Variants in MICU3 observed in about 807,000 individuals in gnomAD.
MICU3 encodes the protein calcium uptake protein 3, mitochondrial.
Under a neutral mutation model 66.5 loss-of-function variants are expected in MICU3, and 62 were observed. The observed-to-expected ratio is 0.93, with a 90% CI of 0.76 to 1.15. The LOEUF (loss-of-function observed/expected upper bound fraction) is 1.15. Ranked by LOEUF, MICU3 falls within the 50% of genes most tolerant of loss-of-function variation. MICU3 has a pLI of 0.00. For synonymous variants in MICU3, 308 were observed against 240.7 expected, an observed-to-expected ratio of 1.28 and a Z score of -2.59; for missense variants, 779 against 664.4, an observed-to-expected ratio of 1.17 and a Z score of -1.90.
intron 1 of MICU3, among the ~76,000 whole-genome samples, chr8:17,032,002 C>T (rs1225141673): frequency 6.6e-6 from 1 of 152,186 alleles, no homozygotes; most frequent in Non-Finnish European, 1.5e-5. Context: ...TTTATGTCTT[C>T]ATTGCCTGTT....
intron 1 of MICU3, among the ~76,000 whole-genome samples, chr8:17,053,453 G>GTAC (rs1359808572): frequency 6.6e-6 from 1 of 152,180 alleles, no homozygotes; most frequent in African/African-American, 2.4e-5. Flanking sequence ...GGATAATGAT[G>GTAC]TACTCTGTTG....
chr8:17,042,984 A>G (rs1248362912), intron 1 of MICU3, among the ~76,000 whole-genome samples: 1 of 126,558 alleles, frequency 7.9e-6, no homozygotes, highest in Non-Finnish European at 1.6e-5. Flanking sequence ...CTTTCGCCCA[A>G]GCTGGACTGC....
intron 1 of MICU3, among the ~76,000 whole-genome samples, chr8:17,056,605 T>G (rs996627982): frequency 2.0e-5 from 3 of 151,994 alleles, no homozygotes; most frequent in Non-Finnish European, 4.4e-5. Context: ...AGGAAAGGAG[T>G]ACAAGTGATG....
rs1174206936 is a variant in MICU3, at chr8:17,120,656, C to T, written c.*369C>T. On this transcript the variant is annotated 3_prime_UTR_variant, in exon 15 of 15. Coordinates refer to ENST00000318063, the MANE Select transcript of MICU3 (RefSeq NM_181723.3). The stretch of plus-strand genomic sequence containing the variant: ...TTCCTCATTTCAAAATAATTTATGA[C>T]TCATGGAATGTTGATCGCCTAAAAA... The T allele has an allele frequency of 6.6e-6, 1 of 152,328 alleles. No homozygotes were observed. The highest frequency in any genetic ancestry group is 1.5e-5 in the Non-Finnish European group (1 of 67,906). 9.4% of individuals were successfully genotyped at this position (152,328 alleles called of 1,614,324 possible).
chr8:17,063,607 A>C (rs1463291050), intron 1 of MICU3, among the ~76,000 whole-genome samples: 2 of 152,074 alleles, frequency 1.3e-5, no homozygotes, highest in Non-Finnish European at 2.9e-5. Flanking sequence ...TATTACCACT[A>C]ATGGTTTCCT....
chr8:17,086,410 C>G (rs1357503797), intron 6 of MICU3, among the ~76,000 whole-genome samples: 1 of 152,088 alleles, frequency 6.6e-6, no homozygotes, highest in Admixed American at 6.6e-5. Flanking sequence ...AGCCCTTGCC[C>G]ACGTGTAGTC....
At chr8:17,136,808 C>G in the MICU3 span, among the ~76,000 whole-genome samples, 2 of 151,444 alleles carry the variant, frequency 1.3e-5, no homozygotes, top group African/African-American at 4.8e-5. Flanking sequence ...CTGTAGCCAA[C>G]TGGGGACCAC....
At position 17,094,648 on chromosome 8, in the gene MICU3, A is replaced by T. The variant is rs1800471713; in HGVS notation, c.889-3810A>T. Among the ~76,000 whole-genome samples, 8 of 151,984 alleles carry T rather than the reference A, an allele frequency of 5.3e-5. No homozygotes were observed. The South Asian group carries it at 1.7e-3, about 31-fold the overall frequency. ...CAGGCTCTCGCTTGGTTCATTTTAA[A>T]AAAAAAATGTCTACCAGGTACTGAA... On this transcript the variant is annotated intron_variant, in intron 8 of 14. Transcript: ENST00000318063.
the MICU3 span, among the ~76,000 whole-genome samples, chr8:17,135,842 G>A: frequency 3.3e-5 from 5 of 151,912 alleles, no homozygotes; most frequent in Non-Finnish European, 5.9e-5. Flanking sequence ...CTGATAAATC[G>A]GTTATATCAT....
intron 3 of MICU3, among the ~76,000 whole-genome samples, chr8:17,076,954 G>T (rs1820474419): frequency 6.6e-6 from 1 of 152,140 alleles, no homozygotes; most frequent in Non-Finnish European, 1.5e-5. Flanking sequence ...ATTATTTCAA[G>T]TTATCTCACC....
chr8:17,064,436 G>A (rs556171886), intron 2 of MICU3, among the ~76,000 whole-genome samples, 199 bp downstream of exon 2: 2 of 152,062 alleles, frequency 1.3e-5, no homozygotes, highest in East Asian at 3.9e-4. Flanking sequence ...ACTTTCAATT[G>A]CTCCATCTTT....
chr8:17,114,086 A>G lies in MICU3; in HGVS notation c.1258-7A>G. ...TAAATGTATTTTCATTTCCTTTCCC[A>G]ATATAGGGCATCACATTTGATGAAT... On this transcript the variant is annotated splice_polypyrimidine_tract_variant and splice_region_variant and intron_variant, in intron 11 of 14. Transcript: ENST00000318063. 3 of 1,584,256 alleles carry G rather than the reference A, an allele frequency of 1.9e-6. No homozygotes were observed. Among genetic ancestry groups the G allele is most frequent in the Non-Finnish European group, 2.6e-6 (3 of 1,159,414 alleles).
chr8:17,049,862 C>T (rs571705053), intron 1 of MICU3, among the ~76,000 whole-genome samples: 3 of 152,198 alleles, frequency 2.0e-5, no homozygotes, highest in African/African-American at 2.4e-5. Flanking sequence ...TACATCTTTA[C>T]ATACATATAT....
intron 3 of MICU3, among the ~76,000 whole-genome samples, chr8:17,071,564 G>A (rs1426631833): frequency 6.6e-6 from 1 of 152,102 alleles, no homozygotes; most frequent in South Asian, 2.1e-4. Flanking sequence ...CATATGAATC[G>A]GGGAGAGGGG....
chr8:17,061,755 C>T (rs1817860238), intron 1 of MICU3, among the ~76,000 whole-genome samples: 1 of 152,120 alleles, frequency 6.6e-6, no homozygotes, highest in South Asian at 2.1e-4. Flanking sequence ...ATTGGTTTCC[C>T]ACCTTGAGAG....
Position 17,122,182 on chromosome 8 carries a change from G to T in MICU3, c.*1895G>T, listed in dbSNP as rs1803241997. On this transcript the variant is annotated 3_prime_UTR_variant, in exon 15 of 15. Coordinates refer to ENST00000318063, the MANE Select transcript of MICU3 (RefSeq NM_181723.3). ...TCAGAGTGAGTGGATGAAAACATTT[G>T]TAAGGCTGCAACATAATATTAAAAT... is the stretch of plus-strand genomic sequence containing the variant. 1 of 151,654 alleles carries T rather than the reference G, an allele frequency of 6.6e-6. No homozygotes were observed. Among genetic ancestry groups the T allele is most frequent in the Admixed American group, 6.6e-5 (1 of 15,232 alleles). The allele number at this position is 151,654 out of a possible 1,614,324, so 9.4% of individuals were successfully genotyped here.
chr8:17,079,665 T>G (rs1026516861), intron 4 of MICU3, among the ~76,000 whole-genome samples: 1 of 151,986 alleles, frequency 6.6e-6, no homozygotes, highest in African/African-American at 2.4e-5. Context: ...CCCTCATTTT[T>G]TGAGTTTTTG....
At chr8:17,129,190 C>A in the MICU3 span, among the ~76,000 whole-genome samples, 1 of 152,190 alleles carries the variant, frequency 6.6e-6, no homozygotes, top group South Asian at 2.1e-4. Flanking sequence ...AAACTCAATA[C>A]CTGCACAGGA....
downstream of MICU3, among the ~76,000 whole-genome samples, chr8:17,123,658 T>C (rs185955047): frequency 2.3e-3 from 347 of 152,248 alleles, no homozygotes; most frequent in Non-Finnish European, 3.9e-3. Context: ...ACAGTTTTAC[T>C]TGTGGGACTA....
Sources: allele counts gnomAD v4.1 joint callset (sites outside exome capture counted in the v4.1 genomes callset), GRCh38; gene constraint gnomAD v4.1.1; transcripts MANE v1.5; gene names NCBI Gene and HGNC (gene_info 2026-07-23, HGNC 2026-07-21).